The following POTEJ variants were observed in gnomAD, a reference collection of about 807,000 sequenced individuals.
POTEJ encodes POTE ankyrin domain family member J, also known as POTE ankyrin domain family, member J.
Under a neutral mutation model 69.0 loss-of-function variants are expected in POTEJ, and 11 were observed. The ratio of observed to expected loss-of-function variants is 0.16; its 90% CI spans 0.10 to 0.26. The LOEUF is 0.26. POTEJ is among the 10% of genes least tolerant of loss of function. POTEJ has a pLI of 1.00. For missense variants in POTEJ, 327 were observed against 1,045.5 expected, an observed-to-expected ratio of 0.31 and a Z score of 9.48; for synonymous variants, 117 against 381.1, an observed-to-expected ratio of 0.31 and a Z score of 8.07.
intron 11 of POTEJ, among the ~76,000 whole-genome samples, chr2:130,645,488 C>G (rs1686545899): frequency 7.6e-6 from 1 of 131,806 alleles, no homozygotes; most frequent in African/African-American, 2.7e-5. Flanking sequence ...CTCCCTTTGT[C>G]TAAGGTGAAT....
At chr2:130,638,334 G>A (rs1686186624) in intron 9 of POTEJ, among the ~76,000 whole-genome samples, 1 of 151,378 alleles carries the variant, frequency 6.6e-6, no homozygotes, top group Non-Finnish European at 1.5e-5. Context: ...TATGGAGCTA[G>A]GACTTATTTA....
At chr2:130,637,103 A>T (rs1291036511) in intron 9 of POTEJ, among the ~76,000 whole-genome samples, 5 of 149,866 alleles carry the variant, frequency 3.3e-5, no homozygotes, top group Admixed American at 6.7e-5. Flanking sequence ...AACAAGTTTG[A>T]CATGGTTCTT....
chr2:130,633,569 G>A (rs1349704570), intron 9 of POTEJ, among the ~76,000 whole-genome samples: 1 of 137,484 alleles, frequency 7.3e-6, no homozygotes, highest in African/African-American at 2.8e-5. Context: ...TGTATTTAAA[G>A]CATCAGTGAT....
intron 6 of POTEJ, among the ~76,000 whole-genome samples, chr2:130,625,473 A>G (rs1685673377): frequency 6.6e-6 from 1 of 152,064 alleles, no homozygotes; most frequent in South Asian, 2.1e-4. Context: ...GATTTATTAT[A>G]TATTGATTAT....
chr2:130,636,347 G>T (rs531716136), intron 9 of POTEJ, among the ~76,000 whole-genome samples: 2 of 151,734 alleles, frequency 1.3e-5, no homozygotes, highest in South Asian at 4.2e-4. Flanking sequence ...GGTAATCAAG[G>T]CAAGGTTCAA....
Position 130,656,847 on chromosome 2 carries a change from C to T in POTEJ, c.2087C>T (p.Ser696Phe), listed in dbSNP as rs1687014666. 6.3e-7 allele frequency: 1 copy of T among 1,589,636 alleles called. No individual in the cohort carries two copies. Among genetic ancestry groups the T allele is most frequent in the South Asian group, 1.1e-5 (1 of 90,768 alleles). The stretch of plus-strand genomic sequence containing the variant: ...GATGCCCCCCGGGCTGTCTTCCCTT[C>T]CATCGTGGGGTGCCCCAGGCAGCAG... ...GDDAPRAVFPSIVGCPRQQGM... is the reference protein window; with the variant it reads ...GDDAPRAVFPFIVGCPRQQGM... The change falls in exon 15 of 15, where the codon TCC becomes TTC. Residue 696 changes from serine (S) to phenylalanine (F), a missense_variant. Coordinates refer to ENST00000409602, the MANE Select transcript of POTEJ (RefSeq NM_001277083.2).
rs746726473 is a variant in POTEJ at position 130,657,507 on chromosome 2, A to T, written c.2747A>T (p.Glu916Val). ...GGCCAGGTCATCACCATCAGCAACG[A>T]GTGGTTCCGCTGCCCCGAGGCGCTC... ...PDGQVITISN[E>V]WFRCPEALFQ... Residue 916 changes from glutamate to valine, a missense_variant, in exon 15 of 15, where the codon GAG (glutamate) becomes GTG (valine). Glu to Val is a moderately radical substitution (Grantham distance 121, BLOSUM62 -2). Coordinates refer to ENST00000409602, the MANE Select transcript of POTEJ (RefSeq NM_001277083.2). The T allele has an allele frequency of 7.6e-6, 12 of 1,569,952 alleles. 3 individuals carry two copies. The highest frequency in any genetic ancestry group is 7.5e-5 in the African/African-American group (5 of 66,862).
chr2:130,647,658 G>A (rs1486884732), intron 13 of POTEJ, among the ~76,000 whole-genome samples: 1 of 149,706 alleles, frequency 6.7e-6, no homozygotes, highest in Non-Finnish European at 1.5e-5. Flanking sequence ...GTGATCCTCT[G>A]ACCTCAGTCT....
intron 10 of POTEJ, among the ~76,000 whole-genome samples, chr2:130,639,546 G>T (rs1386654732): frequency 8.3e-4 from 125 of 150,222 alleles, no homozygotes; most frequent in African/African-American, 3.1e-3. Flanking sequence ...AGGGTCAGCA[G>T]ATTATAATAA....
chr2:130,636,630 TTG>T (rs1272693316), intron 9 of POTEJ, among the ~76,000 whole-genome samples: 16 of 148,620 alleles, frequency 1.1e-4, no homozygotes, highest in Non-Finnish European at 4.5e-5. Context: ...TCTGTTGTTA[TTG>T]TGTGTTTTTC....
chr2:130,615,722 G>A (rs1489700476), intron 1 of POTEJ, among the ~76,000 whole-genome samples: 1 of 149,196 alleles, frequency 6.7e-6, no homozygotes, highest in African/African-American at 2.5e-5. Context: ...ATTTACCTAT[G>A]TAACAAACCT....
intron 10 of POTEJ, among the ~76,000 whole-genome samples, chr2:130,641,732 G>T (rs1335533831): frequency 1.3e-5 from 2 of 151,930 alleles, no homozygotes; most frequent in African/African-American, 4.8e-5. Context: ...CATGTTTAAT[G>T]GAATATTCGT....
In POTEJ at chr2:130,651,974, A is replaced by ACCC. The variant is rs376364470; in HGVS notation, c.1668-2940_1668-2938dup. 2.1e-3 allele frequency among the ~76,000 whole-genome samples: 251 copies of ACCC among 119,562 alleles called. 2 individuals are homozygous for ACCC. Among genetic ancestry groups the ACCC allele is most frequent in the African/African-American group, 8.3e-3 (189 of 22,892 alleles). The allele number at this position is 119,562 out of a possible 152,430, so 78.4% of individuals were successfully genotyped here. On this transcript the variant is annotated intron_variant, in intron 13 of 14. Coordinates refer to ENST00000409602, the MANE Select transcript of POTEJ (RefSeq NM_001277083.2). ...ATTTAGATATTTTAAAAATAAGGAT[A>ACCC]CCCCCCCCCAATAGTTTGGCTTTGT...
chr2:130,618,100 A>T (rs1200295937), intron 3 of POTEJ, among the ~76,000 whole-genome samples: 1 of 152,034 alleles, frequency 6.6e-6, no homozygotes, highest in African/African-American at 2.4e-5. Flanking sequence ...TCAAATCTAG[A>T]GTGTCTGGAT....
chr2:130,637,621 T>C (rs1212462554), intron 9 of POTEJ, among the ~76,000 whole-genome samples: 12 of 152,252 alleles, frequency 7.9e-5, no homozygotes, highest in African/African-American at 2.4e-4. Context: ...TGTAAGGTGG[T>C]CTGTGAGATG....
At chr2:130,641,772 A>G (rs2105243141) in intron 10 of POTEJ, among the ~76,000 whole-genome samples, 1 of 152,266 alleles carries the variant, frequency 6.6e-6, no homozygotes, top group South Asian at 2.1e-4. Context: ...TCATTGGATA[A>G]TCAGCATTTA....
intron 13 of POTEJ, among the ~76,000 whole-genome samples, chr2:130,648,070 G>T (rs1449680344): frequency 6.8e-6 from 1 of 148,076 alleles, no homozygotes; most frequent in Admixed American, 6.7e-5. Context: ...TATATTTGAT[G>T]AGTGTCAACT....
intron 6 of POTEJ, among the ~76,000 whole-genome samples, chr2:130,625,034 T>C (rs1204149763): frequency 1.3e-5 from 2 of 152,152 alleles, no homozygotes; most frequent in Non-Finnish European, 2.9e-5. Flanking sequence ...CTAACAAAAA[T>C]GCTAGTATGC....
chr2:130,632,950 T>G (rs1685960395), intron 9 of POTEJ, among the ~76,000 whole-genome samples: 1 of 147,448 alleles, frequency 6.8e-6, no homozygotes, highest in African/African-American at 2.6e-5. Context: ...ATAGGTAAAG[T>G]GTATCATGGA....
Sources: gnomAD v4.1 joint callset for allele counts (sites outside exome capture counted in the v4.1 genomes callset) on GRCh38, gnomAD v4.1.1 for gene constraint, MANE v1.5 for transcripts, NCBI Gene and HGNC (gene_info 2026-07-23, HGNC 2026-07-21) for gene names.